USP28: variants seen among roughly 807,000 people sequenced by gnomAD.
USP28 encodes the protein ubiquitin carboxyl-terminal hydrolase 28.
A neutral mutation model predicts 145.0 loss-of-function variants in USP28; 113 were observed. The ratio of observed to expected loss-of-function variants is 0.78; its 90% CI spans 0.67 to 0.91. USP28 has a LOEUF of 0.91. Among genes scored for constraint, USP28 ranks in the 40% least tolerant of loss-of-function variants. The pLI, the probability that USP28 is intolerant of heterozygous loss-of-function variation, is 0.00. For synonymous variants in USP28, 447 were observed against 450.9 expected, an observed-to-expected ratio of 0.99 and a Z score of 0.11; for missense variants, 1,201 against 1,289.6, an observed-to-expected ratio of 0.93 and a Z score of 1.05.
exon 6 of USP28, chr11:113,834,330 G>C (rs1944336009): frequency 6.2e-7 from 1 of 1,607,520 alleles, no homozygotes; most frequent in Non-Finnish European, 8.5e-7. Flanking sequence ...GCAATTGAAA[G>C]AGAGACTGAA....
rs1324687198 is a variant in USP28 at position 113,845,137 on chromosome 11, AAAAT to A, written c.269-3373_269-3370del. Reference sequence around the variant, plus strand: ...TTCTCAAAAAAAAAAAAAAAACAACAAAATAAATAAATAAAATACGGCCAGGCAT... The same window carrying A: ...TTCTCAAAAAAAAAAAAAAAACAACAAAATAAATAAAATACGGCCAGGCAT... On this transcript the variant is annotated intron_variant, in intron 3 of 24. Transcript: ENST00000003302. 2.8e-3 allele frequency among the ~76,000 whole-genome samples: 415 copies of A among 150,642 alleles called. 1 individual carries two copies. Among genetic ancestry groups the A allele is most frequent in the African/African-American group, 9.8e-3 (403 of 40,992 alleles).
At chr11:113,828,814 A>G (rs1943663808) in intron 10 of USP28, 2 of 435,346 alleles carry the variant, frequency 4.6e-6, no homozygotes, top group Admixed American at 5.8e-5. Flanking sequence ...AGTAAATACT[A>G]TAATAGGGAA....
intron 1 of USP28, among the ~76,000 whole-genome samples, chr11:113,870,744 T>C (rs2513570): frequency 0.49 from 75,253 of 152,138 alleles, 19,859 homozygotes; most frequent in African/African-American, 0.69. Context: ...GAACCAACCT[T>C]CCTCAATCTC....
chr11:113,874,371 G>T, intron 1 of USP28: 1 of 706,480 alleles, frequency 1.4e-6, no homozygotes, highest in Non-Finnish European at 1.9e-6. Flanking sequence ...GATGCAGTGA[G>T]CCGACATCGC....
chr11:113,852,025 G>T (rs991996193), intron 3 of USP28, among the ~76,000 whole-genome samples: 5 of 152,062 alleles, frequency 3.3e-5, no homozygotes, highest in Non-Finnish European at 7.4e-5. Flanking sequence ...ATGAACAAAT[G>T]AAACTTTTTT....
At chr11:113,870,182 A>T (rs950730070) in intron 1 of USP28, among the ~76,000 whole-genome samples, 1 of 152,100 alleles carries the variant, frequency 6.6e-6, no homozygotes, top group Non-Finnish European at 1.5e-5. Context: ...AACAAGAAAA[A>T]AGTAACAGCA....
intron 1 of USP28, among the ~76,000 whole-genome samples, chr11:113,862,893 T>C (rs915830121): frequency 6.6e-6 from 1 of 152,088 alleles, no homozygotes; most frequent in African/African-American, 2.4e-5. Flanking sequence ...TCCCTCAACA[T>C]GATACAGGGC....
intron 10 of USP28, among the ~76,000 whole-genome samples, chr11:113,827,752 G>A (rs1943542452): frequency 6.6e-6 from 1 of 152,108 alleles, no homozygotes; most frequent in Non-Finnish European, 1.5e-5. Flanking sequence ...ATGAAATTAT[G>A]ATCGAAGCAG....
exon 25 of USP28, chr11:113,798,364 G>T (rs1001468356): frequency 6.6e-6 from 1 of 151,718 alleles, no homozygotes; most frequent in East Asian, 1.9e-4. Flanking sequence ...GCAGTGAGCT[G>T]AGATTGCACC....
chr11:113,828,965 A>G, intron 10 of USP28: 2 of 667,064 alleles, frequency 3.0e-6, no homozygotes, highest in Admixed American at 4.1e-5. Flanking sequence ...AAACATCAGA[A>G]GCAGCATACA....
At chr11:113,871,544 AG>A (rs1948819639) in intron 1 of USP28, among the ~76,000 whole-genome samples, 1 of 152,198 alleles carries the variant, frequency 6.6e-6, no homozygotes, top group Non-Finnish European at 1.5e-5. Flanking sequence ...TCACAATCAA[AG>A]TCTCCAGACA....
intron 11 of USP28, 119 bp downstream of exon 11, chr11:113,827,113 GA>G: frequency 1.6e-6 from 2 of 1,272,424 alleles, no homozygotes; most frequent in Non-Finnish European, 2.1e-6. Flanking sequence ...TAGACTCATA[GA>G]ATCCAAATTT....
chr11:113,851,582 G>C (rs61907871), intron 3 of USP28, among the ~76,000 whole-genome samples: 28,247 of 152,038 alleles, frequency 0.19, 2,699 homozygotes, highest in Middle Eastern at 0.21. Context: ...GATCACCTGA[G>C]GTCAGGAGTT....
In USP28 at chr11:113,854,261, C is replaced by T. The variant is rs768395019; in HGVS notation, c.132G>A (p.Leu44=). Reference sequence around the variant, plus strand: ...TAACAGAGATCTGGAAACCAACCTTCAGAGCTTCATGGAGAAAGGAAGGGT... The same window carrying T: ...TAACAGAGATCTGGAAACCAACCTTTAGAGCTTCATGGAGAAAGGAAGGGT... Residue 44 remains leucine, a synonymous_variant, in exon 2 of 25, where the codon CTG becomes CTA. Coordinates refer to ENST00000003302, the Ensembl canonical transcript of USP28. The T allele has an allele frequency of 5.6e-6, 9 of 1,613,698 alleles. No individual in the cohort carries two copies. The African/African-American group carries it at 1.1e-4, about 19-fold the overall frequency.
intron 10 of USP28, among the ~76,000 whole-genome samples, chr11:113,828,054 G>T (rs113228224): frequency 6.6e-6 from 1 of 152,210 alleles, no homozygotes; most frequent in Admixed American, 6.5e-5. Flanking sequence ...GGGATCACAG[G>T]TGAGGAAAAG....
At chr11:113,804,983 C>T in exon 20 of USP28, 8 of 1,614,162 alleles carry the variant, frequency 5.0e-6, no homozygotes, top group Non-Finnish European at 6.8e-6. Context: ...AGTCGAGGAT[C>T]ACTGTGAGAG....
intron 13 of USP28, among the ~76,000 whole-genome samples, chr11:113,817,369 G>A (rs571529021): frequency 1.3e-5 from 2 of 152,326 alleles, no homozygotes; most frequent in South Asian, 4.1e-4. Flanking sequence ...GCCTTTAATG[G>A]CAGCTGGCTT....
chr11:113,852,933 C>G (rs1946638101), intron 2 of USP28, among the ~76,000 whole-genome samples: 1 of 152,084 alleles, frequency 6.6e-6, no homozygotes, highest in Admixed American at 6.6e-5. Flanking sequence ...TCTGAACAGT[C>G]TAAAGCACGA....
intron 5 of USP28, among the ~76,000 whole-genome samples, chr11:113,837,038 C>T (rs796263481): frequency 1.2e-4 from 18 of 152,192 alleles, no homozygotes; most frequent in African/African-American, 4.3e-4. Flanking sequence ...CACAGTGAGG[C>T]TCATCCAACA....
Sources: allele counts gnomAD v4.1 joint callset (sites outside exome capture counted in the v4.1 genomes callset), GRCh38; gene constraint gnomAD v4.1.1; transcripts MANE v1.5; gene names NCBI Gene and HGNC (gene_info 2026-07-23, HGNC 2026-07-21).